MAP1S: variants seen among roughly 807,000 people sequenced by gnomAD.
MAP1S encodes the protein microtubule-associated protein 1S.
MAP1S carries 27 observed loss-of-function variants against 60.9 expected under a neutral mutation model. That is an observed-to-expected ratio of 0.44 (90% confidence interval 0.33 to 0.61). The LOEUF (loss-of-function observed/expected upper bound fraction) is 0.61. Ranked by LOEUF, MAP1S falls within the 20% of genes least tolerant of loss-of-function variation. The pLI is 0.03. For missense variants in MAP1S, 1,608 were observed against 1,486.6 expected (o/e 1.08, Z -1.34); for synonymous variants, 826 against 694.2 (o/e 1.19, Z -2.98).
In MAP1S at chr19:17,726,195, C is replaced by T; in HGVS notation, c.811C>T (p.Pro271Ser). The T allele has an allele frequency of 2.5e-6, 4 of 1,612,198 alleles. No individual in the cohort carries two copies. Among genetic ancestry groups the T allele is most frequent in the Non-Finnish European group, 3.4e-6 (4 of 1,179,316 alleles). ...FTVLVNGGSN[P>S]KSSFWKLVRH... ...TGTGCTGGTCAACGGTGGCTCAAAC[C>T]CCAAGTCCAGTTTCTGGAAGCTGGT... is the stretch of plus-strand genomic sequence containing the variant. Residue 271 changes from proline to serine, a missense_variant, in exon 5 of 7, where the codon CCC becomes TCC. This residue lies in a region of MAP1S where 320 missense variants were observed against 393.1 expected (regional missense o/e 0.81). Transcript: ENST00000324096.
At chr19:17,720,321 T>C in intron 1 of MAP1S, 4 of 1,483,166 alleles carry the variant, frequency 2.7e-6, no homozygotes, top group Non-Finnish European at 3.6e-6. Flanking sequence ...CGCACCTCGG[T>C]TCATGTGCTT....
At position 17,726,842 on chromosome 19, in the gene MAP1S, C is replaced by A; in HGVS notation, c.1458C>A (p.Gly486=). 1 of 1,554,202 alleles carries A rather than the reference C, an allele frequency of 6.4e-7. No homozygotes were observed. Among genetic ancestry groups the A allele is most frequent in the East Asian group, 2.4e-5 (1 of 41,306 alleles). Residue 486 remains glycine, a synonymous_variant, in exon 5 of 7, where the codon GGC becomes GGA. Coordinates refer to ENST00000324096, the MANE Select transcript of MAP1S (RefSeq NM_018174.6). ...VGSRDSSKRE[G]LLATHPRPGQ... is the part of the protein sequence containing the mutation. ...CCCGGGACAGCTCGAAGAGAGAGGG[C>A]CTCCTGGCCACCCACCCTAGACCTG...
intron 5 of MAP1S, among the ~76,000 whole-genome samples, chr19:17,729,379 C>A (rs2080473101): frequency 6.6e-6 from 1 of 152,216 alleles, no homozygotes. Context: ...AGTCCAGGCA[C>A]AGGGAGCCCC....
chr19:17,721,932 C>T (rs1249324848), intron 2 of MAP1S, among the ~76,000 whole-genome samples: 2 of 152,132 alleles, frequency 1.3e-5, no homozygotes, highest in African/African-American at 2.4e-5. Flanking sequence ...TGCCTGCAGC[C>T]GCCCCCGGCT....
chr19:17,727,424 C>G lies in MAP1S; in HGVS notation c.2040C>G (p.Pro680=). 1.2e-6 allele frequency: 2 copies of G among 1,601,116 alleles called. No homozygotes were observed. Among genetic ancestry groups the G allele is most frequent in the Non-Finnish European group, 1.7e-6 (2 of 1,174,524 alleles). The change falls in exon 5 of 7, where the codon CCC becomes CCG. Residue 680 remains proline (P), a synonymous_variant. Coordinates refer to ENST00000324096, the MANE Select transcript of MAP1S (RefSeq NM_018174.6). The surrounding 1 kb of genome is among the most constrained non-coding windows in gnomAD (Gnocchi z 4.1). The part of the protein sequence containing the change: ...PTVTTPTVTT[P]SLPAEVGSPH... ...TGACCACACCCACGGTGACCACGCC[C>G]TCACTACCCGCAGAGGTGGGCTCCC...
At chr19:17,728,998 A>G (rs1381775738) in intron 5 of MAP1S, 1 of 152,222 alleles carries the variant, frequency 6.6e-6, no homozygotes, top group Non-Finnish European at 1.5e-5. Flanking sequence ...ACGTATGCCA[A>G]CTGTGGGTTT....
chr19:17,727,973 G>A lies in MAP1S; in HGVS notation c.2589G>A (p.Arg863=). Residue 863 remains arginine, a synonymous_variant, in exon 5 of 7, where the codon CGG becomes CGA. Transcript: ENST00000324096. The surrounding 1 kb of genome is among the most constrained non-coding windows in gnomAD (Gnocchi z 4.1). ...AAACGGAGAACGTCAGCCGCACCCG[G>A]AAGCCCCTGGCCCGCCCCAACTCAC... ...ARQTENVSRT[R]KPLARPNSRA... 1 of 1,608,716 alleles carries A rather than the reference G, an allele frequency of 6.2e-7. No individual in the cohort carries two copies. Among genetic ancestry groups the A allele is most frequent in the South Asian group, 1.1e-5 (1 of 90,708 alleles).
At position 17,723,959 on chromosome 19, in the gene MAP1S, T is replaced by C. The variant is rs1055836676; in HGVS notation, c.221-167T>C. 4.2e-4 allele frequency among the ~76,000 whole-genome samples: 64 copies of C among 152,194 alleles called. 1 individual carries two copies. The highest frequency in any genetic ancestry group is 1.5e-3 in the African/African-American group (62 of 41,454). ...TGGTTACTGCCTCTCTTAGGCCAGC[T>C]GGGGTGGTTTGAGTTTCTCTTTCTT... is the stretch of plus-strand genomic sequence containing the variant. On this transcript the variant is annotated intron_variant, in intron 2 of 6. Coordinates refer to ENST00000324096, the MANE Select transcript of MAP1S (RefSeq NM_018174.6).
chr19:17,726,169 C>A lies in MAP1S; in HGVS notation c.785C>A (p.Thr262Asn), dbSNP rs1486329851. 1.9e-6 allele frequency: 3 copies of A among 1,613,536 alleles called. No individual in the cohort carries two copies. The highest frequency in any genetic ancestry group is 2.5e-6 in the Non-Finnish European group (3 of 1,179,812). Residue 262 changes from threonine to asparagine, a missense_variant, in exon 5 of 7, where the codon ACT (threonine) becomes AAT (asparagine). Coordinates refer to ENST00000324096, the MANE Select transcript of MAP1S (RefSeq NM_018174.6). ...DAAFFAVNGF[T>N]VLVNGGSNPK... ...GCCTTCTTCGCCGTCAATGGCTTCA[C>A]TGTGCTGGTCAACGGTGGCTCAAAC...
At position 17,726,969 on chromosome 19, in the gene MAP1S, C is replaced by A. The variant is rs750622563; in HGVS notation, c.1585C>A (p.Pro529Thr). 23 of 1,574,740 alleles carry A rather than the reference C, an allele frequency of 1.5e-5. No individual in the cohort carries two copies. In the East Asian group the frequency reaches 5.1e-4, roughly 35 times the overall value. The change falls in exon 5 of 7, where the codon CCC becomes ACC. Residue 529 changes from proline (P) to threonine (T), a missense_variant. By Grantham distance (38) the Pro-to-Thr change is conservative. This residue lies in a region of MAP1S where 1,167 missense variants were observed against 961.4 expected (regional missense o/e 1.21). Transcript: ENST00000324096. The stretch of plus-strand genomic sequence containing the variant: ...GACCCCCCGGGAGTTGAAGAAAGAC[C>A]CCAAACCGAGTGTCTCCCGGACCCA... ...AKTPRELKKD[P>T]KPSVSRTQPR...
At chr19:17,722,217 C>G (rs1435856233) in intron 2 of MAP1S, among the ~76,000 whole-genome samples, 1 of 152,136 alleles carries the variant, frequency 6.6e-6, no homozygotes, top group East Asian at 1.9e-4. Context: ...TTTGGGAGGT[C>G]AAAGTGGGAG....
intron 5 of MAP1S, among the ~76,000 whole-genome samples, chr19:17,728,406 C>G (rs1407504053): frequency 2.6e-5 from 4 of 152,130 alleles, no homozygotes; most frequent in African/African-American, 7.2e-5. Context: ...CCGCCACTAC[C>G]CCTGCCTAAT....
rs1466052490 is a variant in MAP1S at position 17,726,489 on chromosome 19, C to T, written c.1105C>T (p.Pro369Ser). 6.4e-7 allele frequency: 1 copy of T among 1,550,656 alleles called. No individual in the cohort carries two copies. The highest frequency in any genetic ancestry group is 1.2e-5 in the South Asian group (1 of 85,048). ...LSLLAQLGITPLPLSRGPVPA... is the reference protein window; with the variant it reads ...LSLLAQLGITSLPLSRGPVPA... ...CCTCCTGGCGCAGCTGGGCATCACG[C>T]CTCTGCCACTCAGCCGCGGCCCCGT... Residue 369 changes from proline to serine, a missense_variant, in exon 5 of 7, where the codon CCT (proline) becomes TCT (serine). Physicochemically the swap from Pro to Ser is moderately conservative, Grantham distance 74 (BLOSUM62 -1). This residue lies in a region of MAP1S where 1,167 missense variants were observed against 961.4 expected (regional missense o/e 1.21). Transcript: ENST00000324096.
intron 1 of MAP1S, chr19:17,720,343 A>G (rs2080359329): frequency 2.0e-6 from 3 of 1,519,810 alleles, no homozygotes; most frequent in Non-Finnish European, 2.6e-6. Context: ...AGGAGTGTTT[A>G]GTGAGCACCT....
chr19:17,727,095 T>C lies in MAP1S; in HGVS notation c.1711T>C (p.Ser571Pro). 1 of 1,600,956 alleles carries C rather than the reference T, an allele frequency of 6.2e-7. No homozygotes were observed. The highest frequency in any genetic ancestry group is 8.5e-7 in the Non-Finnish European group (1 of 1,175,378). ...KPRKAPSTSH[S>P]GFPPVANGPR... Reference sequence around the variant, plus strand: ...CCGCAAAGCGCCCAGCACGTCCCACTCTGGCTTCCCGCCGGTGGCAAATGG... The same window carrying C: ...CCGCAAAGCGCCCAGCACGTCCCACCCTGGCTTCCCGCCGGTGGCAAATGG... Residue 571 changes from serine to proline, a missense_variant, in exon 5 of 7, where the codon TCT becomes CCT. Coordinates refer to ENST00000324096, the MANE Select transcript of MAP1S (RefSeq NM_018174.6). The surrounding 1 kb of genome is among the most constrained non-coding windows in gnomAD (Gnocchi z 4.1).
rs536517710 is a variant in MAP1S, at chr19:17,725,811, C to T, written c.445-18C>T. On this transcript the variant is annotated intron_variant, in intron 4 of 6. Transcript: ENST00000324096. The surrounding 1 kb of genome is among the most constrained non-coding windows in gnomAD (Gnocchi z 4.2). ...TGCCTGGCTCTAGGTGGTCCCTTAC[C>T]ACTCCTCCTCCATACAGATCCGGGA... 1.9e-6 allele frequency: 3 copies of T among 1,597,792 alleles called. No individual in the cohort carries two copies. The South Asian group carries it at 3.3e-5, about 18-fold the overall frequency.
chr19:17,729,775 A>G (rs2080476565), intron 5 of MAP1S, among the ~76,000 whole-genome samples: 1 of 151,950 alleles, frequency 6.6e-6, no homozygotes, highest in Admixed American at 6.6e-5. Flanking sequence ...CGATTCTCCT[A>G]CCTCAGCCTC....
At chr19:17,723,862 AAAG>A (rs1178755509) in intron 2 of MAP1S, among the ~76,000 whole-genome samples, 1 of 152,214 alleles carries the variant, frequency 6.6e-6, no homozygotes, top group Non-Finnish European at 1.5e-5. Flanking sequence ...CTCACAAAAA[AAAG>A]AAGAAAATGG....
At position 17,725,107 on chromosome 19, in the gene MAP1S, G is replaced by T. The variant is rs1416949323; in HGVS notation, c.362G>T (p.Cys121Phe). The change falls in exon 4 of 7, where the codon TGC becomes TTC. Residue 121 changes from cysteine to phenylalanine, a missense_variant. Transcript: ENST00000324096. The surrounding 1 kb of genome is among the most constrained non-coding windows in gnomAD (Gnocchi z 4.2). ...SHKLLVLAGP[C>F]LEETGELLLQ... ...AAGCTACTGGTGTTGGCTGGGCCCTGCCTGGAGGAGACGGGGGAGCTGCTG... is the reference window on the plus strand; with the variant it reads ...AAGCTACTGGTGTTGGCTGGGCCCTTCCTGGAGGAGACGGGGGAGCTGCTG... The T allele has an allele frequency of 6.2e-7, 1 of 1,614,170 alleles. No individual in the cohort carries two copies. The highest frequency in any genetic ancestry group is 1.1e-5 in the South Asian group (1 of 91,084).
Sources: allele counts gnomAD v4.1 joint callset (sites outside exome capture counted in the v4.1 genomes callset), GRCh38; gene constraint gnomAD v4.1.1; regional missense constraint gnomAD v4.1.1; non-coding constraint Gnocchi (gnomAD v3.1); transcripts MANE v1.5; gene names NCBI Gene and HGNC (gene_info 2026-07-23, HGNC 2026-07-21).